The following CNKSR3 variants were observed in gnomAD, a reference collection of about 807,000 sequenced individuals.
CNKSR3 encodes connector enhancer of kinase suppressor of ras 3.
CNKSR3 carries 36 observed loss-of-function variants against 67.7 expected under a neutral mutation model. That is an observed-to-expected ratio of 0.53 (90% CI 0.41 to 0.70). The LOEUF (loss-of-function observed/expected upper bound fraction) is 0.70, where lower values mean the gene tolerates loss of function less well. CNKSR3 is among the 30% of genes least tolerant of loss of function. The probability of loss-of-function intolerance (pLI) is 0.00; values close to 1 mark genes in which losing one functional copy is unlikely to be tolerated. For missense variants in CNKSR3, 630 were observed against 695.2 expected, an observed-to-expected ratio of 0.91 and a Z score of 1.05; for synonymous variants, 281 against 271.4, an observed-to-expected ratio of 1.04 and a Z score of -0.35.
chr6:154,434,996 C>CCT (rs1554232883), intron 4 of CNKSR3, among the ~76,000 whole-genome samples: 1 of 136,708 alleles, frequency 7.3e-6, no homozygotes, highest in East Asian at 2.2e-4. Flanking sequence ...CTACAAATTC[C>CCT]TTTTTTTTTT....
intron 1 of CNKSR3, among the ~76,000 whole-genome samples, chr6:154,487,441 T>C (rs1028513378): frequency 3.3e-5 from 5 of 152,184 alleles, no homozygotes; most frequent in African/African-American, 1.2e-4. Flanking sequence ...CTAAACAATG[T>C]ACATAAATTG....
chr6:154,407,871 T>TAAAAA (rs772193653), intron 12 of CNKSR3, among the ~76,000 whole-genome samples: 3 of 16,666 alleles, frequency 1.8e-4, no homozygotes, highest in East Asian at 6.8e-3. Context: ...TTTTAGAATT[T>TAAAAA]GAAAAAAAAA....
intron 9 of CNKSR3, among the ~76,000 whole-genome samples, chr6:154,416,167 C>A (rs1303712512): frequency 6.6e-6 from 1 of 152,144 alleles, no homozygotes; most frequent in South Asian, 2.1e-4. Flanking sequence ...CCCTACCCAG[C>A]CTGGTTGTAA....
intron 4 of CNKSR3, among the ~76,000 whole-genome samples, chr6:154,435,676 C>G (rs1425560502): frequency 6.6e-6 from 1 of 152,206 alleles, no homozygotes; most frequent in African/African-American, 2.4e-5. Flanking sequence ...AAAATGAGTG[C>G]AAAACCAAGT....
rs1302793690 is a variant in CNKSR3 at position 154,388,334 on chromosome 6, T to C, written c.*18020A>G. 1.3e-5 allele frequency: 2 copies of C among 152,268 alleles called. No homozygotes were observed. The highest frequency in any genetic ancestry group is 2.9e-5 in the Non-Finnish European group (2 of 68,050). The allele number at this position is 152,268 out of a possible 1,614,324, so 9.4% of individuals were successfully genotyped here. ...AAGATTTATCCATGTTGTTGAATAA[T>C]TGCAGAATTTCCTTCTTTTTAAAAG... On this transcript the variant is annotated 3_prime_UTR_variant, in exon 13 of 13. Transcript: ENST00000607772.
At chr6:154,450,370 A>G (rs1490036177) in intron 1 of CNKSR3, 112 bp from the exon 2 acceptor site, 15 of 1,104,514 alleles carry the variant, frequency 1.4e-5, no homozygotes, top group Non-Finnish European at 1.7e-5. Flanking sequence ...TGATGCCACT[A>G]TCTGGTTATC....
intron 1 of CNKSR3, among the ~76,000 whole-genome samples, chr6:154,460,683 C>T (rs973726885): frequency 3.3e-5 from 5 of 151,946 alleles, no homozygotes; most frequent in Admixed American, 2.0e-4. Context: ...CTTTTTGCCT[C>T]CTCTAGTGCA....
chr6:154,501,876 G>C (rs111582366), intron 1 of CNKSR3, among the ~76,000 whole-genome samples: 5,168 of 152,232 alleles, frequency 0.034, 314 homozygotes, highest in African/African-American at 0.12. Flanking sequence ...AGAACAGGGG[G>C]AAAGCGTCCA....
chr6:154,470,861 G>C (rs565180601), intron 1 of CNKSR3, among the ~76,000 whole-genome samples: 2 of 152,318 alleles, frequency 1.3e-5, no homozygotes, highest in East Asian at 3.9e-4. Context: ...CTGCCAAACT[G>C]TTTCCCAGAG....
In CNKSR3 at chr6:154,396,447, TA is replaced by T. The variant is rs1350528498; in HGVS notation, c.*9906del. 3 of 152,242 alleles carry T rather than the reference TA, an allele frequency of 2.0e-5. No homozygotes were observed. Among genetic ancestry groups the T allele is most frequent in the Non-Finnish European group, 4.4e-5 (3 of 68,042 alleles). The allele number at this position is 152,242 out of a possible 1,614,324, so 9.4% of individuals were successfully genotyped here. A position where few individuals can be genotyped will look rare whatever the true frequency, so the allele number is the denominator to read the frequency against. ...AAACAATTTTCACAGAAAATTTTAA[TA>T]ATTTTTTCTAACTTCTTTTCTGATT... On this transcript the variant is annotated 3_prime_UTR_variant, in exon 13 of 13. Transcript: ENST00000607772.
chr6:154,429,996 C>T (rs1035057246), intron 6 of CNKSR3, among the ~76,000 whole-genome samples: 3 of 152,290 alleles, frequency 2.0e-5, no homozygotes, highest in South Asian at 2.1e-4. Context: ...ATAAGATGCA[C>T]GCTAGGTACT....
intron 4 of CNKSR3, chr6:154,433,800 C>A (rs1038469233): frequency 3.8e-5 from 11 of 290,402 alleles, no homozygotes; most frequent in Non-Finnish European, 5.1e-5. Flanking sequence ...AACTGAAATC[C>A]ACCTACTCTC....
chr6:154,402,849 T>C lies in CNKSR3; in HGVS notation c.*3505A>G, dbSNP rs914745815. 5.9e-5 allele frequency: 9 copies of C among 152,344 alleles called. No individual in the cohort carries two copies. In the East Asian group the frequency reaches 1.7e-3, roughly 29 times the overall value. The allele number at this position is 152,344 out of a possible 1,614,324, so 9.4% of individuals were successfully genotyped here. A position where few individuals can be genotyped will look rare whatever the true frequency, so the allele number is the denominator to read the frequency against. On this transcript the variant is annotated 3_prime_UTR_variant, in exon 13 of 13. Coordinates refer to ENST00000607772, the MANE Select transcript of CNKSR3 (RefSeq NM_173515.4). ...TGGTGATTTTTCACATATTTATATT[T>C]ATACACACACATACAAAGTATGTGC...
rs374440730 is a variant in CNKSR3, at chr6:154,509,683, C to G, written c.52+380G>C. ...CGCGGGAGTCACCCACACAAAGGCA[C>G]CTTGTGCCTCTGCACTCGGGCCCCC... On this transcript the variant is annotated intron_variant, in intron 1 of 12. Coordinates refer to ENST00000607772, the MANE Select transcript of CNKSR3 (RefSeq NM_173515.4). Among the ~76,000 whole-genome samples, 10 of 152,308 alleles carry G rather than the reference C, an allele frequency of 6.6e-5. 2 individuals carry two copies. The highest frequency in any genetic ancestry group is 1.3e-4 in the Admixed American group (2 of 15,312).
At chr6:154,424,613 T>C (rs543925271) in intron 7 of CNKSR3, among the ~76,000 whole-genome samples, 12 of 152,328 alleles carry the variant, frequency 7.9e-5, no homozygotes, top group Admixed American at 7.2e-4. Flanking sequence ...CCCTAAACTG[T>C]AGAAATATTC....
At chr6:154,465,384 GAAAAC>G (rs781488032) in intron 1 of CNKSR3, among the ~76,000 whole-genome samples, 11 of 152,038 alleles carry the variant, frequency 7.2e-5, no homozygotes, top group Non-Finnish European at 1.2e-4. Flanking sequence ...TATAATTACA[GAAAAC>G]AGGTAAATGT....
chr6:154,468,080 C>T (rs867252138), intron 1 of CNKSR3, among the ~76,000 whole-genome samples: 89 of 107,426 alleles, frequency 8.3e-4, no homozygotes, highest in South Asian at 1.6e-3. Flanking sequence ...TCTTTTTTTT[C>T]TTTTTTTTTT....
chr6:154,422,783 G>C, intron 8 of CNKSR3, 131 bp from the exon 9 acceptor site: 2 of 1,143,428 alleles, frequency 1.7e-6, no homozygotes, highest in Non-Finnish European at 1.3e-6. Flanking sequence ...GCGTAAGTAT[G>C]CTCATGTTAG....
intron 1 of CNKSR3, among the ~76,000 whole-genome samples, chr6:154,485,146 T>C (rs1582896857): frequency 6.6e-6 from 1 of 152,226 alleles, no homozygotes. Context: ...AAATATGATG[T>C]ACATGAATCA....
Sources: allele counts gnomAD v4.1 joint callset (sites outside exome capture counted in the v4.1 genomes callset), GRCh38; gene constraint gnomAD v4.1.1; transcripts MANE v1.5; gene names NCBI Gene and HGNC (gene_info 2026-07-23, HGNC 2026-07-21).